PHF24: variants seen among roughly 807,000 people sequenced by gnomAD.
PHF24 encodes PHD finger protein 24.
A neutral mutation model predicts 42.6 loss-of-function variants in PHF24; 25 were observed. The ratio of observed to expected loss-of-function variants is 0.59; its 90% CI spans 0.43 to 0.82. The LOEUF (loss-of-function observed/expected upper bound fraction) is 0.82. Among genes scored for constraint, PHF24 ranks in the 40% least tolerant of loss-of-function variants. PHF24 has a pLI of 0.00. For synonymous variants in PHF24, 185 were observed against 204.8 expected, an observed-to-expected ratio of 0.90 and a Z score of 0.83; for missense variants, 470 against 538.1, an observed-to-expected ratio of 0.87 and a Z score of 1.25.
the PHF24 span, chr9:34,837,822 C>T: frequency 5.9e-6 from 4 of 677,406 alleles, no homozygotes; most frequent in East Asian, 8.9e-5. Flanking sequence ...TATACGCTTT[C>T]CTGGATTTTC....
chr9:34,951,202 C>G, the PHF24 span, among the ~76,000 whole-genome samples: 1 of 152,158 alleles, frequency 6.6e-6, no homozygotes, highest in Admixed American at 6.5e-5. Context: ...AAGGCTGCAA[C>G]TAAGGTTTTG....
At chr9:34,872,201 ATTTT>A in the PHF24 span, among the ~76,000 whole-genome samples, 3 of 139,896 alleles carry the variant, frequency 2.1e-5, no homozygotes, top group South Asian at 7.1e-4. Context: ...TTATTTTTTT[ATTTT>A]TTATTTTTTT....
intron 1 of PHF24, among the ~76,000 whole-genome samples, chr9:34,962,832 C>G (rs1449388367): frequency 1.3e-5 from 2 of 152,222 alleles, no homozygotes; most frequent in Admixed American, 1.3e-4. Flanking sequence ...AGAGGCTAAG[C>G]TCATGCCATA....
the PHF24 span, among the ~76,000 whole-genome samples, chr9:34,896,677 T>C: frequency 6.6e-6 from 1 of 152,196 alleles, no homozygotes; most frequent in East Asian, 1.9e-4. Flanking sequence ...TGAATAACTT[T>C]AGGCAGAGCA....
At chr9:34,911,640 G>T in the PHF24 span, among the ~76,000 whole-genome samples, 1 of 151,998 alleles carries the variant, frequency 6.6e-6, no homozygotes, top group Non-Finnish European at 1.5e-5. Context: ...AGTTAGTTTT[G>T]TCTAGAAATT....
At chr9:34,977,628 G>C (rs891260299) in exon 7 of PHF24, 1 of 1,600,258 alleles carries the variant, frequency 6.2e-7, no homozygotes, top group Non-Finnish European at 8.5e-7. Flanking sequence ...GCTGCCCACA[G>C]AGCAGGAGTC....
the PHF24 span, among the ~76,000 whole-genome samples, chr9:34,753,970 A>G: frequency 1.1e-4 from 17 of 152,250 alleles, 1 homozygote; most frequent in Admixed American, 7.2e-4. Context: ...ATCTCTCACC[A>G]TATACAAAAG....
the PHF24 span, among the ~76,000 whole-genome samples, chr9:34,814,947 G>A: frequency 6.6e-6 from 1 of 152,132 alleles, no homozygotes; most frequent in Non-Finnish European, 1.5e-5. Context: ...CGCCATGTTG[G>A]CCAGGCTAGT....
chr9:34,748,655 TG>T, the PHF24 span, among the ~76,000 whole-genome samples: 37 of 152,184 alleles, frequency 2.4e-4, no homozygotes, highest in African/African-American at 8.9e-4. Flanking sequence ...AATGCAGATA[TG>T]GCTACAGTGA....
At chr9:34,833,068 A>G in the PHF24 span, 1 of 1,535,460 alleles carries the variant, frequency 6.5e-7, no homozygotes, top group Non-Finnish European at 8.7e-7. Context: ...GGTCTTCAGC[A>G]GGGCGTCTCT....
At chr9:34,694,159 C>CTTTTTTTTTTTT in the PHF24 span, among the ~76,000 whole-genome samples, 1 of 66,124 alleles carries the variant, frequency 1.5e-5, no homozygotes, top group Non-Finnish European at 2.7e-5. Context: ...TATCTCTATT[C>CTTTTTTTTTTTT]TTTTTTTTTT....
the PHF24 span, among the ~76,000 whole-genome samples, chr9:34,931,783 C>A: frequency 6.6e-6 from 1 of 152,062 alleles, no homozygotes; most frequent in Non-Finnish European, 1.5e-5. Flanking sequence ...TTATAAACAA[C>A]CCAGCCTCAG....
At chr9:34,686,288 G>A in the PHF24 span, among the ~76,000 whole-genome samples, 1 of 152,198 alleles carries the variant, frequency 6.6e-6, no homozygotes, top group African/African-American at 2.4e-5. Flanking sequence ...GAAGGAGGGA[G>A]TGACATGGAG....
At chr9:34,765,472 T>C in the PHF24 span, among the ~76,000 whole-genome samples, 2 of 150,560 alleles carry the variant, frequency 1.3e-5, no homozygotes, top group South Asian at 4.3e-4. Flanking sequence ...CTTTGTCTCT[T>C]TTGATCTTTG....
the PHF24 span, among the ~76,000 whole-genome samples, chr9:34,707,892 C>T: frequency 1.3e-5 from 2 of 152,238 alleles, no homozygotes; most frequent in South Asian, 2.1e-4. Flanking sequence ...CCACAATGCC[C>T]GGCTAATTTT....
At chr9:34,840,677 G>T in the PHF24 span, among the ~76,000 whole-genome samples, 4 of 152,058 alleles carry the variant, frequency 2.6e-5, no homozygotes, top group East Asian at 5.8e-4. Flanking sequence ...AGCCCCCCCA[G>T]ATGCTAGGAT....
At chr9:34,729,498 A>C in the PHF24 span, 386 of 1,475,218 alleles carry the variant, frequency 2.6e-4, 2 homozygotes, top group African/African-American at 4.4e-3. Context: ...TGCCTAATGA[A>C]TCCCAGTGCT....
the PHF24 span, among the ~76,000 whole-genome samples, chr9:34,684,416 C>T: frequency 5.3e-5 from 8 of 152,142 alleles, no homozygotes; most frequent in Non-Finnish European, 1.2e-4. Context: ...GAGCCATTTA[C>T]GTAGACTACA....
At chr9:34,886,304 C>T in the PHF24 span, among the ~76,000 whole-genome samples, 1 of 151,848 alleles carries the variant, frequency 6.6e-6, no homozygotes, top group Non-Finnish European at 1.5e-5. Context: ...CCTCCTTCAC[C>T]TCTATGAAAC....
Sources: allele counts gnomAD v4.1 joint callset (sites outside exome capture counted in the v4.1 genomes callset), GRCh38; gene constraint gnomAD v4.1.1; transcripts MANE v1.5; gene names NCBI Gene and HGNC (gene_info 2026-07-23, HGNC 2026-07-21).